CCDC102B: variants seen among roughly 807,000 people sequenced by gnomAD.
The protein encoded by CCDC102B is coiled-coil domain containing 102B.
In CCDC102B, 75 loss-of-function variants were observed where a neutral mutation model predicts 57.4. That is an observed-to-expected ratio of 1.31 (90% confidence interval 1.08 to 1.58). The LOEUF (loss-of-function observed/expected upper bound fraction) is 1.58, where lower values mean the gene tolerates loss of function less well. Ranked by LOEUF, CCDC102B falls within the 40% of genes most tolerant of loss-of-function variation. The pLI is 0.00. For synonymous variants in CCDC102B, 206 were observed against 201.9 expected, an observed-to-expected ratio of 1.02 and a Z score of -0.17; for missense variants, 636 against 582.6, an observed-to-expected ratio of 1.09 and a Z score of -0.94.
At chr18:68,964,771 A>G (rs2050128778) in intron 6 of CCDC102B, among the ~76,000 whole-genome samples, 1 of 151,876 alleles carries the variant, frequency 6.6e-6, no homozygotes, top group South Asian at 2.1e-4. Context: ...ACCTTAGGTC[A>G]GGTGACAAAT....
At chr18:68,840,864 T>A (rs769309661) in intron 3 of CCDC102B, among the ~76,000 whole-genome samples, 1 of 152,218 alleles carries the variant, frequency 6.6e-6, no homozygotes, top group Non-Finnish European at 1.5e-5. Context: ...TACTTTTTAC[T>A]TTCTTGGAAT....
intron 2 of CCDC102B, among the ~76,000 whole-genome samples, chr18:68,743,716 G>C (rs538210435): frequency 1.3e-5 from 2 of 152,126 alleles, no homozygotes; most frequent in African/African-American, 4.8e-5. Flanking sequence ...GGAAGACTTG[G>C]GAGTAAATTA....
chr18:68,993,672 T>TAATCTTAAATGTTATAGGAACCA (rs2050938785), intron 6 of CCDC102B, among the ~76,000 whole-genome samples: 3 of 152,232 alleles, frequency 2.0e-5, no homozygotes, highest in Admixed American at 1.3e-4. Context: ...TCTAACTAGT[T>TAATCTTAAATGTTATAGGAACCA]AATCTTAAAT....
intron 4 of CCDC102B, among the ~76,000 whole-genome samples, chr18:68,856,554 C>T (rs1230310119): frequency 6.6e-6 from 1 of 152,162 alleles, no homozygotes; most frequent in African/African-American, 2.4e-5. Flanking sequence ...CCACATTGGC[C>T]TCCCAAAATG....
At chr18:68,988,458 G>C (rs900570914) in intron 6 of CCDC102B, among the ~76,000 whole-genome samples, 4 of 151,566 alleles carry the variant, frequency 2.6e-5, no homozygotes, top group African/African-American at 7.3e-5. Context: ...CACTACTTCG[G>C]TGGTGGTATC....
intron 6 of CCDC102B, among the ~76,000 whole-genome samples, chr18:68,923,239 A>T (rs1273234031): frequency 1.3e-5 from 2 of 151,972 alleles, no homozygotes; most frequent in East Asian, 3.9e-4. Flanking sequence ...GTAACTCCCA[A>T]GAAAATTTTT....
At chr18:68,869,657 C>G (rs991479410) in intron 4 of CCDC102B, among the ~76,000 whole-genome samples, 3 of 152,196 alleles carry the variant, frequency 2.0e-5, no homozygotes, top group Non-Finnish European at 2.9e-5. Context: ...AAAATTTTCT[C>G]TCATTCTGTA....
chr18:68,902,379 A>C (rs1184175962), intron 6 of CCDC102B: 1 of 152,184 alleles, frequency 6.6e-6, no homozygotes. Flanking sequence ...CATTTAGGCA[A>C]TATCACAGCT....
At chr18:68,953,065 C>T (rs913038017) in intron 6 of CCDC102B, among the ~76,000 whole-genome samples, 3 of 151,980 alleles carry the variant, frequency 2.0e-5, no homozygotes, top group African/African-American at 4.8e-5. Context: ...TCTAAAATGG[C>T]ATTCAGCAAC....
intron 2 of CCDC102B, among the ~76,000 whole-genome samples, chr18:68,773,938 T>C (rs1424885026): frequency 7.2e-5 from 11 of 151,978 alleles, no homozygotes; most frequent in African/African-American, 1.2e-4. Context: ...GTAAAAACAT[T>C]TGCAAAAATG....
intron 6 of CCDC102B, among the ~76,000 whole-genome samples, chr18:68,946,806 T>A (rs1232187354): frequency 6.6e-6 from 1 of 152,020 alleles, no homozygotes; most frequent in Admixed American, 6.6e-5. Flanking sequence ...AGGATAAAGA[T>A]TTCATTCCAA....
chr18:69,000,526 T>A (rs1423843162), intron 6 of CCDC102B, among the ~76,000 whole-genome samples: 1 of 152,150 alleles, frequency 6.6e-6, no homozygotes, highest in African/African-American at 2.4e-5. Flanking sequence ...GTCCCAGAGA[T>A]AAATATTGCA....
intron 6 of CCDC102B, among the ~76,000 whole-genome samples, chr18:68,942,710 G>C (rs1208458287): frequency 2.0e-5 from 3 of 151,936 alleles, no homozygotes; most frequent in African/African-American, 4.8e-5. Context: ...GGTTTTACAT[G>C]GAGACATTCC....
intron 7 of CCDC102B, among the ~76,000 whole-genome samples, chr18:69,045,733 T>G (rs906028375): frequency 6.6e-6 from 1 of 152,082 alleles, no homozygotes; most frequent in African/African-American, 2.4e-5. Context: ...CAATAGGTAT[T>G]TTTTCTGTTC....
chr18:69,055,427 C>T (rs887855355), downstream of CCDC102B, among the ~76,000 whole-genome samples: 6 of 152,064 alleles, frequency 3.9e-5, no homozygotes, highest in Non-Finnish European at 8.8e-5. Flanking sequence ...TTGCTTAACA[C>T]TCCTCCTGTG....
intron 6 of CCDC102B, among the ~76,000 whole-genome samples, chr18:68,947,163 C>T (rs1353470791): frequency 6.6e-6 from 1 of 151,694 alleles, no homozygotes; most frequent in Non-Finnish European, 1.5e-5. Context: ...ATGACCATAG[C>T]AGGATCTGGT....
rs539120348 is a variant in CCDC102B, at chr18:68,970,798, G to A, written c.1264-40136G>A. Among the ~76,000 whole-genome samples, 31 of 152,094 alleles carry A rather than the reference G, an allele frequency of 2.0e-4. No individual in the cohort carries two copies. The South Asian group carries it at 5.8e-3, about 28-fold the overall frequency. On this transcript the variant is annotated intron_variant, in intron 6 of 7. Coordinates refer to ENST00000360242, the MANE Select transcript of CCDC102B (RefSeq NM_024781.3). Reference sequence around the variant, plus strand: ...CTCCAAGAAGTTAAATGTAGTACATGTGGAATCTGTAATAATTGGGAAGTA... The same window carrying A: ...CTCCAAGAAGTTAAATGTAGTACATATGGAATCTGTAATAATTGGGAAGTA...
At chr18:68,915,167 C>T (rs1021624543) in intron 6 of CCDC102B, among the ~76,000 whole-genome samples, 8 of 152,224 alleles carry the variant, frequency 5.3e-5, no homozygotes, top group African/African-American at 9.6e-5. Flanking sequence ...GCTGCACTCA[C>T]GCTTGAAGCT....
chr18:68,913,895 T>C (rs1400736863), intron 6 of CCDC102B, among the ~76,000 whole-genome samples: 2 of 152,166 alleles, frequency 1.3e-5, no homozygotes, highest in African/African-American at 4.8e-5. Flanking sequence ...TGCTCTTATC[T>C]CCTGCAGCAG....
Sources: gnomAD v4.1 joint callset for allele counts (sites outside exome capture counted in the v4.1 genomes callset) on GRCh38, gnomAD v4.1.1 for gene constraint, MANE v1.5 for transcripts, NCBI Gene and HGNC (gene_info 2026-07-23, HGNC 2026-07-21) for gene names.